The following RGSL1 variants were observed in gnomAD, a reference collection of about 807,000 sequenced individuals.
The protein encoded by RGSL1 is regulator of G protein signaling like 1.
In RGSL1, 97 loss-of-function variants were observed where a neutral mutation model predicts 124.7. That is an observed-to-expected ratio of 0.78 (90% CI 0.66 to 0.92). The LOEUF (loss-of-function observed/expected upper bound fraction) is 0.92, where lower values mean the gene tolerates loss of function less well. Ranked by LOEUF, RGSL1 falls within the 40% of genes least tolerant of loss-of-function variation. The probability of loss-of-function intolerance (pLI) is 0.00; values close to 1 mark genes in which losing one functional copy is unlikely to be tolerated. For missense variants in RGSL1, 1,233 were observed against 1,288.4 expected (o/e 0.96, Z 0.66); for synonymous variants, 424 against 438.1 (o/e 0.97, Z 0.40).
At chr1:182,503,256 C>T (rs1304799242) in intron 9 of RGSL1, among the ~76,000 whole-genome samples, 12 of 152,140 alleles carry the variant, frequency 7.9e-5, no homozygotes, top group Admixed American at 7.2e-4. Context: ...GCAACCTACA[C>T]GTCCATCTTG....
chr1:182,481,399 T>A (rs1219186271), intron 6 of RGSL1, among the ~76,000 whole-genome samples: 1 of 152,008 alleles, frequency 6.6e-6, no homozygotes, highest in Non-Finnish European at 1.5e-5. Context: ...CGAGAAGAAA[T>A]TGAAAGCCTG....
chr1:182,455,515 G>A (rs1404174374), intron 2 of RGSL1, among the ~76,000 whole-genome samples: 8 of 152,080 alleles, frequency 5.3e-5, no homozygotes, highest in Admixed American at 2.6e-4. Context: ...CCAGGAGGCG[G>A]AGGTTGCAGT....
rs763069505 is a variant in RGSL1 at position 182,474,368 on chromosome 1, T to C, written c.1257T>C (p.Asn419=). 21 of 1,551,916 alleles carry C rather than the reference T, an allele frequency of 1.4e-5. No homozygotes were observed. In the Middle Eastern group the frequency reaches 1.0e-3, roughly 74 times the overall value. ...GTGTCCTTCTGAATAACAAAAAGAA[T>C]GGGAATGCAATCTTTCGTCACTTGC... The part of the protein sequence containing the change: ...FLSVLLNNKK[N]GNAIFRHLLG... The change falls in exon 6 of 22, where the codon AAT becomes AAC. Residue 419 remains asparagine, a synonymous_variant. Transcript: ENST00000294854.
chr1:182,537,193 A>G (rs756305545), intron 14 of RGSL1, among the ~76,000 whole-genome samples: 1 of 152,206 alleles, frequency 6.6e-6, no homozygotes, highest in Non-Finnish European at 1.5e-5. Context: ...CACCACAAAT[A>G]GAAAATTTCA....
At position 182,460,184 on chromosome 1, in the gene RGSL1, G is replaced by GTGTGTA. The variant is rs376572577; in HGVS notation, c.301+52_301+53insGTGTAT. The GTGTGTA allele has an allele frequency of 2.3e-3, 2,828 of 1,238,772 alleles. 50 individuals are homozygous for GTGTGTA. In the African/African-American group the frequency reaches 0.041, roughly 18 times the overall value. 76.7% of individuals were successfully genotyped at this position (1,238,772 alleles called of 1,614,324 possible). A position where few individuals can be genotyped will look rare whatever the true frequency, so the allele number is the denominator to read the frequency against. ...TCTGTGTGTGTGTGTGTGTGTGTGT[G>GTGTGTA]TAGAAATATAGGAAGTCACACTTCA... On this transcript the variant is annotated intron_variant, in intron 4 of 21. Transcript: ENST00000294854.
chr1:182,494,632 G>A (rs1042740315), intron 9 of RGSL1, among the ~76,000 whole-genome samples: 6 of 152,168 alleles, frequency 3.9e-5, no homozygotes, highest in African/African-American at 1.2e-4. Context: ...CTCTGATACT[G>A]ATGGTAAATG....
intron 6 of RGSL1, among the ~76,000 whole-genome samples, chr1:182,478,763 A>T (rs749518981): frequency 3.3e-5 from 5 of 152,200 alleles, no homozygotes; most frequent in Non-Finnish European, 7.3e-5. Context: ...AAATAGGCTG[A>T]ACCTAAAGAG....
chr1:182,506,822 C>T (rs1212122200), intron 9 of RGSL1, among the ~76,000 whole-genome samples: 2 of 152,174 alleles, frequency 1.3e-5, no homozygotes, highest in Non-Finnish European at 2.9e-5. Context: ...AACACATTCA[C>T]ATAATTTGTA....
At chr1:182,552,520 T>A (rs1391765538) in intron 18 of RGSL1, among the ~76,000 whole-genome samples, 2 of 151,994 alleles carry the variant, frequency 1.3e-5, no homozygotes, top group African/African-American at 4.8e-5. Context: ...AGAAAACAGG[T>A]CTGTGAATCT....
Position 182,508,697 on chromosome 1 carries a change from TA to T in RGSL1, c.1826-13306del, listed in dbSNP as rs1438769165. On this transcript the variant is annotated intron_variant, in intron 9 of 21. Coordinates refer to ENST00000294854, the MANE Select transcript of RGSL1 (RefSeq NM_001137669.2). ...GTTTTTTTTTTTTTTTTTTTTAATT[TA>T]TTTTTTTATTGATAATTCTTGGGTG... is the stretch of plus-strand genomic sequence containing the variant. 2.3e-4 allele frequency among the ~76,000 whole-genome samples: 34 copies of T among 147,284 alleles called. No homozygotes were observed. The East Asian group carries it at 4.5e-3, about 20-fold the overall frequency.
chr1:182,466,938 C>G (rs1328209376), intron 4 of RGSL1, among the ~76,000 whole-genome samples: 1 of 152,110 alleles, frequency 6.6e-6, no homozygotes, highest in Non-Finnish European at 1.5e-5. Flanking sequence ...CAGCAATCAA[C>G]ACAGTGTGGT....
chr1:182,550,333 C>T (rs1660481749), intron 17 of RGSL1: 2 of 152,016 alleles, frequency 1.3e-5, no homozygotes, highest in African/African-American at 4.8e-5. Flanking sequence ...GAAGGAGACC[C>T]AGTTCAGCAA....
rs770638378 is a variant in RGSL1, at chr1:182,474,265, G to A, written c.1154G>A (p.Arg385Gln). 24 of 1,551,630 alleles carry A rather than the reference G, an allele frequency of 1.5e-5. No individual in the cohort carries two copies. In the African/African-American group the frequency reaches 1.9e-4, roughly 12 times the overall value. Residue 385 changes from arginine to glutamine, a missense_variant, in exon 6 of 22, where the codon CGG becomes CAG. Transcript: ENST00000294854. ...CADACAGNPF[R>Q]DHLKKLNLKV... ...GATGCCTGTGCAGGGAACCCTTTCC[G>A]GGACCACCTGAAGAAGCTGAATTTG...
intron 7 of RGSL1, 88 bp downstream of exon 7, chr1:182,488,435 G>T: frequency 8.1e-7 from 1 of 1,236,276 alleles, no homozygotes. Context: ...ATGTGTTAAA[G>T]TAAATGAAAT....
chr1:182,495,160 T>C (rs1040855067), intron 9 of RGSL1, among the ~76,000 whole-genome samples: 1 of 152,200 alleles, frequency 6.6e-6, no homozygotes, highest in African/African-American at 2.4e-5. Context: ...TCTGCATTTG[T>C]TTCTGTTGCC....
intron 9 of RGSL1, 22 bp downstream of exon 9, chr1:182,493,151 T>C (rs1323882521): frequency 1.4e-6 from 2 of 1,457,140 alleles, no homozygotes; most frequent in East Asian, 2.5e-5. Flanking sequence ...AAATCAGGGA[T>C]AGACGAGGCA....
At chr1:182,490,234 A>G (rs991866246) in intron 8 of RGSL1, among the ~76,000 whole-genome samples, 1 of 152,224 alleles carries the variant, frequency 6.6e-6, no homozygotes, top group Admixed American at 6.5e-5. Flanking sequence ...AAGCTTTGAA[A>G]ATTCAGTTAT....
intron 15 of RGSL1, 40 bp from the exon 16 acceptor site, chr1:182,548,277 T>A: frequency 6.4e-7 from 1 of 1,550,796 alleles, no homozygotes; most frequent in Non-Finnish European, 8.7e-7. Flanking sequence ...ACTGTTTTCA[T>A]CTTCTCCTCC....
chr1:182,488,725 CAAA>C (rs561296385), intron 7 of RGSL1: 2,225 of 103,776 alleles, frequency 0.021, no homozygotes, highest in South Asian at 0.037. Context: ...GACTCCGTCT[CAAA>C]AAAAAAAAAA....
Sources: allele counts gnomAD v4.1 joint callset (sites outside exome capture counted in the v4.1 genomes callset), GRCh38; gene constraint gnomAD v4.1.1; transcripts MANE v1.5; gene names NCBI Gene and HGNC (gene_info 2026-07-23, HGNC 2026-07-21).